The following TNPO3 variants were observed in gnomAD, a reference collection of about 807,000 sequenced individuals.
TNPO3 encodes the protein transportin-3.
TNPO3 carries 65 observed loss-of-function variants against 122.8 expected under a neutral mutation model. The ratio of observed to expected loss-of-function variants is 0.53; its 90% confidence interval spans 0.43 to 0.65. The LOEUF (loss-of-function observed/expected upper bound fraction) is 0.65. Among genes scored for constraint, TNPO3 ranks in the 30% least tolerant of loss-of-function variants. The pLI, the probability that TNPO3 is intolerant of heterozygous loss-of-function variation, is 0.00. For synonymous variants in TNPO3, 372 were observed against 411.2 expected, an observed-to-expected ratio of 0.90 and a Z score of 1.15; for missense variants, 850 against 1,136.7, an observed-to-expected ratio of 0.75 and a Z score of 3.63.
At chr7:128,957,884 G>A (rs1007804678) in intron 21 of TNPO3, among the ~76,000 whole-genome samples, 1 of 152,144 alleles carries the variant, frequency 6.6e-6, no homozygotes, top group Admixed American at 6.5e-5. Context: ...CCTGTGGGAG[G>A]AGGAGGGAGA....
At chr7:128,997,700 C>G (rs1801478310) in intron 7 of TNPO3, among the ~76,000 whole-genome samples, 165 bp from the exon 8 acceptor site, 1 of 152,202 alleles carries the variant, frequency 6.6e-6, no homozygotes, top group Non-Finnish European at 1.5e-5. Context: ...ATTATCTCCC[C>G]AAATTGTCTT....
Position 128,955,506 on chromosome 7 carries a change from G to T in TNPO3, c.*32-121C>A, listed in dbSNP as rs536500609. 53 of 345,974 alleles carry T rather than the reference G, an allele frequency of 1.5e-4. 1 individual carries two copies. The East Asian group carries it at 4.3e-3, about 28-fold the overall frequency. The allele number at this position is 345,974 out of a possible 1,614,324, so 21.4% of individuals were successfully genotyped here. A position where few individuals can be genotyped will look rare whatever the true frequency, so the allele number is the denominator to read the frequency against. ...ACCTCATTCTGAAGTCTGCCAATAA[G>T]AACTCAGAAAAAATAAACAAATAAA... On this transcript the variant is annotated intron_variant, in intron 22 of 22. Coordinates refer to ENST00000265388, the MANE Select transcript of TNPO3 (RefSeq NM_012470.4).
chr7:129,018,806 C>T (rs1804128923), intron 1 of TNPO3, among the ~76,000 whole-genome samples: 1 of 152,128 alleles, frequency 6.6e-6, no homozygotes, highest in Non-Finnish European at 1.5e-5. Flanking sequence ...GCAACCTCTG[C>T]CTCCCAGGTT....
chr7:128,982,295 T>C lies in TNPO3; in HGVS notation c.1812A>G (p.Ile604Met). Residue 604 changes from isoleucine to methionine, a missense_variant, in exon 14 of 23, where the codon ATA (isoleucine) becomes ATG (methionine). Physicochemically the swap from Ile to Met is conservative, Grantham distance 10. Coordinates refer to ENST00000265388, the MANE Select transcript of TNPO3 (RefSeq NM_012470.4). ...KLLSQEPSNG[I>M]SSDPTVFLDR... ...CTAAGAACACTGTGGGATCTGAGGA[T>C]ATGCCATTGCTGGGCTCTTGAGACA... is the stretch of plus-strand genomic sequence containing the variant. 6.2e-7 allele frequency: 1 copy of C among 1,613,478 alleles called. No individual in the cohort carries two copies. Among genetic ancestry groups the C allele is most frequent in the South Asian group, 1.1e-5 (1 of 91,078 alleles).
chr7:129,034,757 T>A (rs1806384285), intron 1 of TNPO3, among the ~76,000 whole-genome samples: 1 of 148,056 alleles, frequency 6.8e-6, no homozygotes, highest in South Asian at 2.2e-4. Flanking sequence ...TAGCTGGGCA[T>A]GGTGGTGGGC....
At chr7:129,011,951 T>C (rs977471166) in intron 4 of TNPO3, among the ~76,000 whole-genome samples, 2 of 151,968 alleles carry the variant, frequency 1.3e-5, no homozygotes, top group Non-Finnish European at 2.9e-5. Context: ...GAAAAACATA[T>C]ATTTAACTTA....
chr7:128,992,902 A>G (rs1800898850), intron 9 of TNPO3, among the ~76,000 whole-genome samples: 1 of 152,138 alleles, frequency 6.6e-6, no homozygotes, highest in African/African-American at 2.4e-5. Flanking sequence ...AGGATTGAGA[A>G]GATCAAAGGA....
chr7:129,025,938 C>G (rs755724829), intron 1 of TNPO3, among the ~76,000 whole-genome samples: 18 of 152,026 alleles, frequency 1.2e-4, no homozygotes, highest in Non-Finnish European at 2.2e-4. Context: ...CCAGCCTGGC[C>G]AACATGGTAA....
chr7:128,991,432 T>C (rs1421225653), intron 10 of TNPO3, among the ~76,000 whole-genome samples: 1 of 152,202 alleles, frequency 6.6e-6, no homozygotes, highest in Non-Finnish European at 1.5e-5. Flanking sequence ...AAAGTAAATT[T>C]TGTCTCTAGG....
At chr7:128,956,871 G>T (rs1248314323) in intron 22 of TNPO3, among the ~76,000 whole-genome samples, 1 of 152,198 alleles carries the variant, frequency 6.6e-6, no homozygotes, top group Non-Finnish European at 1.5e-5. Context: ...GGTTGTTTTC[G>T]CCAAAGTGGC....
intron 12 of TNPO3, 106 bp downstream of exon 12, chr7:128,986,623 T>C (rs1254051682): frequency 9.3e-7 from 1 of 1,076,796 alleles, no homozygotes; most frequent in Admixed American, 2.7e-5. Context: ...TATAAATTCT[T>C]AAACACTAAG....
chr7:129,017,756 T>A (rs561576761), intron 2 of TNPO3, among the ~76,000 whole-genome samples: 1 of 152,350 alleles, frequency 6.6e-6, no homozygotes, highest in South Asian at 2.1e-4. Context: ...ACTTCTGGTA[T>A]CAAGTTAGTT....
chr7:129,028,831 T>C (rs1244036292), intron 1 of TNPO3: 1 of 240,384 alleles, frequency 4.2e-6, no homozygotes, highest in Non-Finnish European at 8.2e-6. Flanking sequence ...TGGAAATATT[T>C]CTTTCAATTC....
intron 1 of TNPO3, among the ~76,000 whole-genome samples, chr7:129,034,611 C>T (rs1000127706): frequency 3.3e-5 from 5 of 152,076 alleles, no homozygotes; most frequent in Non-Finnish European, 7.4e-5. Flanking sequence ...CCTGCGAGGC[C>T]AGGCGCGGTG....
intron 1 of TNPO3, among the ~76,000 whole-genome samples, chr7:129,051,964 TAA>T (rs1489494231): frequency 6.6e-6 from 1 of 152,122 alleles, no homozygotes; most frequent in Non-Finnish European, 1.5e-5. Flanking sequence ...GGCTTTTTAG[TAA>T]AGACAAGATC....
chr7:129,000,485 C>G lies in TNPO3; in HGVS notation c.955G>C (p.Gly319Arg). The change falls in exon 7 of 23, where the codon GGG (glycine) becomes CGG (arginine). Residue 319 changes from glycine (G) to arginine (R), a missense_variant. Physicochemically the swap from Gly to Arg is moderately radical, Grantham distance 125 (BLOSUM62 -2). Coordinates refer to ENST00000265388, the MANE Select transcript of TNPO3 (RefSeq NM_012470.4). ...AGCAGCTCCAGAGTTCGAAGGTCCC[C>G]AAGACCTTGGCCTGGAGTACAAACA... ...KIVCTPGQGL[G>R]DLRTLELLLI... 2 of 1,614,068 alleles carry G rather than the reference C, an allele frequency of 1.2e-6. No individual in the cohort carries two copies. The highest frequency in any genetic ancestry group is 1.7e-6 in the Non-Finnish European group (2 of 1,179,974).
chr7:128,996,882 CTT>C (rs1209110804), intron 8 of TNPO3, among the ~76,000 whole-genome samples: 1 of 151,354 alleles, frequency 6.6e-6, no homozygotes, highest in South Asian at 2.1e-4. Flanking sequence ...TCATATAACT[CTT>C]GTTATACTGC....
intron 1 of TNPO3, among the ~76,000 whole-genome samples, chr7:129,036,047 G>A (rs905428804): frequency 1.3e-4 from 19 of 145,916 alleles, no homozygotes; most frequent in Non-Finnish European, 1.8e-4. Context: ...ACCGCCTCCC[G>A]GATTCAAGTG....
In TNPO3 at chr7:128,954,739, A is replaced by T. The variant is rs1420109878; in HGVS notation, c.*678T>A. 1 of 153,306 alleles carries T rather than the reference A, an allele frequency of 6.5e-6. No homozygotes were observed. The highest frequency in any genetic ancestry group is 1.9e-4 in the East Asian group (1 of 5,206). 9.5% of individuals were successfully genotyped at this position (153,306 alleles called of 1,614,324 possible). A position where few individuals can be genotyped will look rare whatever the true frequency, so the allele number is the denominator to read the frequency against. ...CTTGCTTACTCCTCCTTGTCTAAACAACTCTAAAGGTGGGAAGAAACAGCT... is the reference window on the plus strand; with the variant it reads ...CTTGCTTACTCCTCCTTGTCTAAACTACTCTAAAGGTGGGAAGAAACAGCT... On this transcript the variant is annotated 3_prime_UTR_variant, in exon 23 of 23. Coordinates refer to ENST00000265388, the MANE Select transcript of TNPO3 (RefSeq NM_012470.4).
Sources: allele counts gnomAD v4.1 joint callset (sites outside exome capture counted in the v4.1 genomes callset), GRCh38; gene constraint gnomAD v4.1.1; transcripts MANE v1.5; gene names NCBI Gene and HGNC (gene_info 2026-07-23, HGNC 2026-07-21).